Variants in NUMA1 observed in about 807,000 individuals in gnomAD.
NUMA1 encodes nuclear mitotic apparatus protein 1, also known as SP-H antigen.
NUMA1 carries 62 observed loss-of-function variants against 237.1 expected under a neutral mutation model. The observed-to-expected ratio is 0.26, with a 90% CI of 0.21 to 0.32. NUMA1 has a LOEUF of 0.32. Among genes scored for constraint, NUMA1 ranks in the 10% least tolerant of loss-of-function variants. NUMA1 has a pLI of 1.00. For synonymous variants in NUMA1, 1,028 were observed against 1,066.1 expected (o/e 0.96, Z 0.70); for missense variants, 2,533 against 2,666.5 (o/e 0.95, Z 1.10).
In NUMA1 at chr11:72,043,800, T is replaced by TA. The variant is rs1308285951; in HGVS notation, c.-32-7826dup. 5.9e-5 allele frequency among the ~76,000 whole-genome samples: 9 copies of TA among 152,218 alleles called. No individual in the cohort carries two copies. The East Asian group carries it at 1.5e-3, about 26-fold the overall frequency. On this transcript the variant is annotated intron_variant, in intron 2 of 26. Transcript: ENST00000393695. The stretch of plus-strand genomic sequence containing the variant: ...AAAACTTCATGATTTAGAAACAAAT[T>TA]AGTGTCTTTTTTAGTGTCAGAGTCC...
chr11:72,022,977 C>A, intron 6 of NUMA1, 88 bp downstream of exon 6: 1 of 902,308 alleles, frequency 1.1e-6, no homozygotes, highest in South Asian at 1.4e-5. Flanking sequence ...ATCATCTCCC[C>A]TTGGGTTAAG....
intron 3 of NUMA1, among the ~76,000 whole-genome samples, chr11:72,033,812 G>C (rs537331324): frequency 6.6e-6 from 1 of 152,072 alleles, no homozygotes; most frequent in African/African-American, 2.4e-5. Flanking sequence ...CTGGAGCTCA[G>C]GAATTCAAGA....
At chr11:72,064,759 G>A (rs1943125543) in intron 2 of NUMA1, among the ~76,000 whole-genome samples, 2 of 152,202 alleles carry the variant, frequency 1.3e-5, no homozygotes, top group Non-Finnish European at 2.9e-5. Flanking sequence ...CTTGAGCCCA[G>A]AAGGTTGAGG....
In NUMA1 at chr11:72,057,942, G is replaced by A. The variant is rs1282195012; in HGVS notation, c.-33+11900C>T. On this transcript the variant is annotated intron_variant, in intron 2 of 26. Coordinates refer to ENST00000393695, the MANE Select transcript of NUMA1 (RefSeq NM_006185.4). ...AAAAAATAGCTAGGCGTGGTAGCAGGCGCCTGTAATCCCAGCTACTAGGGA... is the reference window on the plus strand; with the variant it reads ...AAAAAATAGCTAGGCGTGGTAGCAGACGCCTGTAATCCCAGCTACTAGGGA... Among the ~76,000 whole-genome samples the A allele has an allele frequency of 2.7e-5, 4 of 150,402 alleles. No homozygotes were observed. In the Admixed American group the frequency reaches 2.7e-4, roughly 10 times the overall value.
At chr11:72,019,855 T>TCAGA (rs1375809601) in intron 8 of NUMA1, among the ~76,000 whole-genome samples, 1 of 152,160 alleles carries the variant, frequency 6.6e-6, no homozygotes, top group Non-Finnish European at 1.5e-5. Flanking sequence ...GCATCATTAC[T>TCAGA]CAGAGCACAG....
chr11:72,052,635 A>G (rs4412771), intron 2 of NUMA1, among the ~76,000 whole-genome samples: 140,943 of 152,072 alleles, frequency 0.93, 65,564 homozygotes, highest in Non-Finnish European at 0.98. Context: ...GTGTGGTCAC[A>G]TGCCTGTAAT....
At chr11:72,022,817 T>C (rs181338232) in intron 6 of NUMA1, among the ~76,000 whole-genome samples, 217 of 152,222 alleles carry the variant, frequency 1.4e-3, no homozygotes, top group African/African-American at 5.0e-3. Context: ...AGGCCCACAG[T>C]AATGGTCTAG....
intron 22 of NUMA1, chr11:72,005,813 A>C: frequency 1.8e-6 from 1 of 565,160 alleles, no homozygotes; most frequent in Non-Finnish European, 3.1e-6. Flanking sequence ...TGTGCTGGGA[A>C]TCCCGGGCCC....
At position 72,009,020 on chromosome 11, in the gene NUMA1, C is replaced by T; in HGVS notation, c.5005G>A (p.Ala1669Thr). ...GTAAGGTGGCGGCAGGTCTGTTCAG[C>T]CTCCTTGGTCTTCAGCCCAGCCTGC... ...LQQAGLKTKE[A>T]EQTCRHLTAQ... Residue 1669 changes from alanine to threonine, a missense_variant, in exon 19 of 27, where the codon GCT becomes ACT. This residue lies in a region of NUMA1 where 795 missense variants were observed against 750.8 expected (regional missense o/e 1.06). Coordinates refer to ENST00000393695, the MANE Select transcript of NUMA1 (RefSeq NM_006185.4). The T allele has an allele frequency of 1.2e-6, 2 of 1,613,822 alleles. No homozygotes were observed. Among genetic ancestry groups the T allele is most frequent in the Non-Finnish European group, 8.5e-7 (1 of 1,180,028 alleles).
chr11:72,034,992 G>A (rs531018489), intron 3 of NUMA1, among the ~76,000 whole-genome samples: 1 of 152,292 alleles, frequency 6.6e-6, no homozygotes, highest in African/African-American at 2.4e-5. Flanking sequence ...AAGTAGGTGA[G>A]ACTACAGGTG....
chr11:72,040,618 C>G (rs1941565620), intron 2 of NUMA1: 1 of 152,340 alleles, frequency 6.6e-6, no homozygotes. Flanking sequence ...CGGCCTCACG[C>G]AGAAATGGTG....
intron 2 of NUMA1, chr11:72,066,257 G>A (rs1420581849): frequency 6.7e-6 from 1 of 148,948 alleles, no homozygotes; most frequent in Non-Finnish European, 1.5e-5. Context: ...GGTGAGCCGA[G>A]ATCACGCCTA....
intron 2 of NUMA1, among the ~76,000 whole-genome samples, chr11:72,054,453 A>G (rs1942528595): frequency 6.6e-6 from 1 of 151,696 alleles, no homozygotes; most frequent in South Asian, 2.1e-4. Flanking sequence ...GGGAAACAAG[A>G]GCAAAACTCC....
chr11:72,056,637 A>T (rs1942665667), intron 2 of NUMA1, among the ~76,000 whole-genome samples: 1 of 51,788 alleles, frequency 1.9e-5, no homozygotes, highest in African/African-American at 5.2e-5. Context: ...CATCTCTTTA[A>T]AAAAAAAAAA....
intron 13 of NUMA1, chr11:72,016,831 G>C (rs1685008362): frequency 3.5e-6 from 1 of 287,106 alleles, no homozygotes; most frequent in Non-Finnish European, 6.6e-6. Context: ...TTGAGTCCTA[G>C]ATTATCCAAA....
At chr11:72,028,293 A>G (rs891108773) in intron 4 of NUMA1, among the ~76,000 whole-genome samples, 14 of 152,080 alleles carry the variant, frequency 9.2e-5, no homozygotes, top group African/African-American at 3.1e-4. Context: ...TTCTTTCCCT[A>G]TCAATGAGCT....
Position 72,014,270 on chromosome 11 carries a change from T to C in NUMA1, c.3233A>G (p.Lys1078Arg). Residue 1078 changes from lysine (K) to arginine (R), a missense_variant, in exon 15 of 27, where the codon AAA becomes AGA. This residue lies in a region of NUMA1 where 1,414 missense variants were observed against 1,508.1 expected (regional missense o/e 0.94). Coordinates refer to ENST00000393695, the MANE Select transcript of NUMA1 (RefSeq NM_006185.4). This position sits in a 1 kb window ranked among gnomAD's most constrained non-coding sequence, Gnocchi z 4.6. ...KLRGLEAAQI[K>R]ELEELRQTVK... The stretch of plus-strand genomic sequence containing the variant: ...GGTTTGCCGAAGTTCCTCCAGCTCT[T>C]TTATCTGGGCTGCCTCCAGACCACG... 6.2e-7 allele frequency: 1 copy of C among 1,613,964 alleles called. No individual in the cohort carries two copies. Among genetic ancestry groups the C allele is most frequent in the Non-Finnish European group, 8.5e-7 (1 of 1,180,048 alleles).
chr11:72,058,636 G>C (rs1942789427), intron 2 of NUMA1, among the ~76,000 whole-genome samples: 1 of 152,090 alleles, frequency 6.6e-6, no homozygotes. Context: ...ATTACTCCTG[G>C]TCTCATCATC....
intron 2 of NUMA1, among the ~76,000 whole-genome samples, chr11:72,044,192 A>T (rs1331994109): frequency 6.6e-6 from 1 of 152,038 alleles, no homozygotes; most frequent in Non-Finnish European, 1.5e-5. Context: ...ACATGCTGCT[A>T]ACTATTTGAC....
Sources: gnomAD v4.1 joint callset for allele counts (sites outside exome capture counted in the v4.1 genomes callset) on GRCh38, gnomAD v4.1.1 for gene constraint, gnomAD v4.1.1 regional missense constraint, Gnocchi (gnomAD v3.1) non-coding constraint, MANE v1.5 for transcripts, NCBI Gene and HGNC (gene_info 2026-07-23, HGNC 2026-07-21) for gene names.